FLACC1: variants seen among roughly 807,000 people sequenced by gnomAD.
FLACC1 encodes flagellum associated containing coiled-coil domains 1, also known as flagellum-associated coiled-coil domain-containing protein 1.
In FLACC1, 66 loss-of-function variants were observed where a neutral mutation model predicts 62.8. That is an observed-to-expected ratio of 1.05 (90% CI 0.86 to 1.29). The LOEUF (loss-of-function observed/expected upper bound fraction) is 1.29, where lower values mean the gene tolerates loss of function less well. Among genes scored for constraint, FLACC1 ranks in the 50% most tolerant of loss-of-function variants. The pLI is 0.00. For missense variants in FLACC1, 452 were observed against 489.1 expected (o/e 0.92, Z 0.71); for synonymous variants, 156 against 161.0 (o/e 0.97, Z 0.24).
In FLACC1 at chr2:201,344,256, T is replaced by C; in HGVS notation, c.376A>G (p.Ile126Val). 1 of 1,611,064 alleles carries C rather than the reference T, an allele frequency of 6.2e-7. No individual in the cohort carries two copies. Among genetic ancestry groups the C allele is most frequent in the Non-Finnish European group, 8.5e-7 (1 of 1,177,302 alleles). Residue 126 changes from isoleucine to valine, a missense_variant, in exon 6 of 15, where the codon ATC (isoleucine) becomes GTC (valine). Ile to Val is a conservative substitution (Grantham distance 29). Around this residue, in one of 3 missense-constraint regions of FLACC1, gnomAD observed 147 missense variants for 152.7 expected, o/e 0.96. Transcript: ENST00000392257. ...ATTTGCTCTTCTAGGTCAGAAATGA[T>C]GTTGGTCCTGTAGGAGAAGTAATTC... ...PDKGRFSRTN[I>V]ISDLEEQISE...
intron 12 of FLACC1, among the ~76,000 whole-genome samples, chr2:201,298,088 A>G (rs13016963): frequency 0.6 from 90,625 of 151,894 alleles, 27,347 homozygotes; most frequent in South Asian, 0.76. Context: ...AAACATCAGC[A>G]AGGAGCAGGT....
At chr2:201,291,091 C>T (rs1291815841) in intron 12 of FLACC1, among the ~76,000 whole-genome samples, 1 of 152,216 alleles carries the variant, frequency 6.6e-6, no homozygotes, top group Admixed American at 6.5e-5. Context: ...CTGTAGACTC[C>T]ACCTCTGGGG....
chr2:201,299,217 G>A (rs1173151555), intron 12 of FLACC1, 21 bp downstream of exon 12: 2 of 1,608,224 alleles, frequency 1.2e-6, no homozygotes, highest in South Asian at 1.1e-5. Flanking sequence ...CAAGTCCACA[G>A]GAAAGGATGA....
Position 201,346,948 on chromosome 2 carries a change from C to G in FLACC1, c.235-273G>C, listed in dbSNP as rs958679180. Among the ~76,000 whole-genome samples, 1 of 152,156 alleles carries G rather than the reference C, an allele frequency of 6.6e-6. No homozygotes were observed. Among genetic ancestry groups the G allele is most frequent in the Non-Finnish European group, 1.5e-5 (1 of 68,018 alleles). On this transcript the variant is annotated intron_variant, in intron 4 of 14. Transcript: ENST00000392257. This position sits in a 1 kb window ranked among gnomAD's most constrained non-coding sequence, Gnocchi z 4.0. Reference sequence around the variant, plus strand: ...CCTGCCCCCGACTTGTGTTCACCCTCGTGGCCAGAGCCCAGAGGAGGTGGG... The same window carrying G: ...CCTGCCCCCGACTTGTGTTCACCCTGGTGGCCAGAGCCCAGAGGAGGTGGG...
chr2:201,329,896 C>G (rs1486352658), intron 9 of FLACC1, among the ~76,000 whole-genome samples: 1 of 152,134 alleles, frequency 6.6e-6, no homozygotes, highest in East Asian at 1.9e-4. Flanking sequence ...AAAGTTCATT[C>G]CTTTTGACCA....
At chr2:201,344,371 C>G in intron 5 of FLACC1, 108 bp from the exon 6 acceptor site, 3 of 705,308 alleles carry the variant, frequency 4.3e-6, no homozygotes, top group Non-Finnish European at 4.9e-6. Flanking sequence ...CTGGTGAGAG[C>G]TGGCCATGTT....
chr2:201,346,800 T>C lies in FLACC1; in HGVS notation c.235-125A>G. On this transcript the variant is annotated intron_variant, in intron 4 of 14. Coordinates refer to ENST00000392257, the MANE Select transcript of FLACC1 (RefSeq NM_001127391.3). The surrounding 1 kb of genome is among the most constrained non-coding windows in gnomAD (Gnocchi z 4.0). Reference sequence around the variant, plus strand: ...CCTGGGACTCCACAGCCCAAGCCCTTCTGGGCCCTTCACCCATTATAGCTC... The same window carrying C: ...CCTGGGACTCCACAGCCCAAGCCCTCCTGGGCCCTTCACCCATTATAGCTC... The C allele has an allele frequency of 1.7e-6, 2 of 1,172,662 alleles. No homozygotes were observed. Among genetic ancestry groups the C allele is most frequent in the South Asian group, 1.4e-5 (1 of 69,246 alleles). The allele number at this position is 1,172,662 out of a possible 1,614,324, so 72.6% of individuals were successfully genotyped here.
At chr2:201,343,449 T>G (rs1456828010) in intron 6 of FLACC1, among the ~76,000 whole-genome samples, 1 of 152,102 alleles carries the variant, frequency 6.6e-6, no homozygotes. Flanking sequence ...AGGAGGGTGG[T>G]CTCAGGATAG....
chr2:201,316,710 C>T (rs780224231), intron 9 of FLACC1, among the ~76,000 whole-genome samples: 1 of 152,090 alleles, frequency 6.6e-6, no homozygotes, highest in Non-Finnish European at 1.5e-5. Context: ...TGTATGAAGC[C>T]AGTATCACCC....
chr2:201,315,919 C>T (rs1330572825), intron 9 of FLACC1, among the ~76,000 whole-genome samples: 1 of 152,050 alleles, frequency 6.6e-6, no homozygotes, highest in Admixed American at 6.6e-5. Context: ...CATGCAAATA[C>T]ATGGAAATTA....
At chr2:201,359,553 A>G (rs903287597), upstream of FLACC1, among the ~76,000 whole-genome samples, 7 of 152,250 alleles carry the variant, frequency 4.6e-5, no homozygotes, top group Admixed American at 1.3e-4. Context: ...GTTAAAATGC[A>G]TAGACCTGTT....
chr2:201,311,301 T>C (rs6719014), intron 9 of FLACC1, among the ~76,000 whole-genome samples: 109,487 of 152,006 alleles, frequency 0.72, 39,800 homozygotes, highest in South Asian at 0.83. Context: ...TCTATGAAGC[T>C]GGCATTATCC....
chr2:201,346,522 T>A lies in FLACC1; in HGVS notation c.368+20A>T. The A allele has an allele frequency of 1.2e-6, 2 of 1,612,538 alleles. No individual in the cohort carries two copies. Among genetic ancestry groups the A allele is most frequent in the Admixed American group, 3.3e-5 (2 of 60,020 alleles). On this transcript the variant is annotated intron_variant, in intron 5 of 14. Transcript: ENST00000392257. This position sits in a 1 kb window ranked among gnomAD's most constrained non-coding sequence, Gnocchi z 4.0. ...GTGGGAGTAGCCCCAAGCAGCTGCA[T>A]GTTGCTGCAACAGCATTACCTGGAA... is the stretch of plus-strand genomic sequence containing the variant.
chr2:201,339,217 TA>T (rs1217209730), intron 7 of FLACC1, among the ~76,000 whole-genome samples: 1 of 152,194 alleles, frequency 6.6e-6, no homozygotes, highest in Non-Finnish European at 1.5e-5. Context: ...TAGTTGTTCA[TA>T]ATAGTCTCTG....
chr2:201,317,180 T>A (rs1950322388), intron 9 of FLACC1, among the ~76,000 whole-genome samples: 1 of 152,156 alleles, frequency 6.6e-6, no homozygotes, highest in Non-Finnish European at 1.5e-5. Flanking sequence ...TTCAACATAG[T>A]ACTGGAAGTC....
At position 201,342,390 on chromosome 2, in the gene FLACC1, CTG is replaced by C. The variant is rs776058709; in HGVS notation, c.502_503del (p.Gln168GlufsTer3). 1.0e-4 allele frequency: 167 copies of C among 1,614,148 alleles called. No homozygotes were observed. Among genetic ancestry groups the C allele is most frequent in the Admixed American group, 1.7e-5 (1 of 60,012 alleles). ...TGTACCTGTTCTTGTTTTCAAAGTT[CTG>C]TTTCATCTCAGCACAGCGGAGATCC... ...EMDLRCAEMK[Q>X]NFENKNRELK... On this transcript the variant is annotated frameshift_variant, in exon 7 of 15. Transcript: ENST00000392257. LOFTEE classifies it high-confidence loss of function.
the FLACC1 span, among the ~76,000 whole-genome samples, chr2:201,362,404 A>C: frequency 2.0e-5 from 3 of 152,050 alleles, no homozygotes; most frequent in African/African-American, 7.2e-5. Context: ...ATAGCAAGAT[A>C]GTGTGTAAAG....
At chr2:201,362,674 C>T in the FLACC1 span, among the ~76,000 whole-genome samples, 4 of 152,272 alleles carry the variant, frequency 2.6e-5, no homozygotes, top group East Asian at 5.8e-4. Context: ...CTTGGGGAAG[C>T]GGCTTGGAAA....
In FLACC1 at chr2:201,330,760, T is replaced by C; in HGVS notation, c.598A>G (p.Lys200Glu). ...CCTAGCTTCTCTTGGGCAGCCAACT[T>C]CTCTGCCTTCAAGGCTGCTTTGTAG... ...NNYKAALKAEKLAAQEKLEEM... is the reference protein window; with the variant it reads ...NNYKAALKAEELAAQEKLEEM... The change falls in exon 8 of 15, where the codon AAG (lysine) becomes GAG (glutamate). Residue 200 changes from lysine to glutamate, a missense_variant. Lys to Glu is a moderately conservative substitution (Grantham distance 56, BLOSUM62 1). Coordinates refer to ENST00000392257, the MANE Select transcript of FLACC1 (RefSeq NM_001127391.3). 6.2e-7 allele frequency: 1 copy of C among 1,613,940 alleles called. No individual in the cohort carries two copies. The highest frequency in any genetic ancestry group is 8.5e-7 in the Non-Finnish European group (1 of 1,179,968).
Sources: allele counts gnomAD v4.1 joint callset (sites outside exome capture counted in the v4.1 genomes callset), GRCh38; gene constraint gnomAD v4.1.1; regional missense constraint gnomAD v4.1.1; non-coding constraint Gnocchi (gnomAD v3.1); transcripts MANE v1.5; gene names NCBI Gene and HGNC (gene_info 2026-07-23, HGNC 2026-07-21).